The following UBE2E2 variants were observed in gnomAD, a reference collection of about 807,000 sequenced individuals.
UBE2E2 encodes ubiquitin-conjugating enzyme E2 E2.
A neutral mutation model predicts 24.7 loss-of-function variants in UBE2E2; 6 were observed. The observed-to-expected ratio is 0.24, with a 90% confidence interval of 0.13 to 0.48. The LOEUF (loss-of-function observed/expected upper bound fraction) is 0.48, where lower values mean the gene tolerates loss of function less well. UBE2E2 is among the 20% of genes least tolerant of loss of function. The probability of loss-of-function intolerance (pLI) is 0.99; values close to 1 mark genes in which losing one functional copy is unlikely to be tolerated. For missense variants in UBE2E2, 169 were observed against 245.0 expected (o/e 0.69, Z 2.07); for synonymous variants, 104 against 83.6 (o/e 1.24, Z -1.33).
At chr3:23,284,851 T>C (rs1698574277) in intron 3 of UBE2E2, among the ~76,000 whole-genome samples, 1 of 151,680 alleles carries the variant, frequency 6.6e-6, no homozygotes, top group South Asian at 2.1e-4. Context: ...CTCCCTGAGG[T>C]CTGTTCTAAA....
intron 3 of UBE2E2, among the ~76,000 whole-genome samples, chr3:23,487,035 GAGGGGTGCCTGC>G (rs1415297972): frequency 1.3e-5 from 2 of 152,168 alleles, no homozygotes; most frequent in East Asian, 3.9e-4. Context: ...TGTCTATGCT[GAGGGGTGCCTGC>G]AGGCCCATGC....
At chr3:23,346,947 C>A (rs1243123338) in intron 3 of UBE2E2, among the ~76,000 whole-genome samples, 1 of 152,118 alleles carries the variant, frequency 6.6e-6, no homozygotes, top group South Asian at 2.1e-4. Flanking sequence ...AATCAGAAGC[C>A]CCTTTCCCTT....
chr3:23,450,009 G>A (rs1245123269), intron 3 of UBE2E2: 8 of 810,014 alleles, frequency 9.9e-6, no homozygotes, highest in Non-Finnish European at 1.2e-5. Flanking sequence ...CAATGGCTTT[G>A]AGGACCTCAG....
intron 3 of UBE2E2, among the ~76,000 whole-genome samples, chr3:23,489,269 A>G (rs1190906767): frequency 2.6e-5 from 4 of 152,158 alleles, no homozygotes; most frequent in African/African-American, 9.7e-5. Context: ...ATAATTATAT[A>G]ACTCACCATC....
chr3:23,410,300 C>T (rs1697466602), intron 3 of UBE2E2, among the ~76,000 whole-genome samples: 1 of 152,176 alleles, frequency 6.6e-6, no homozygotes, highest in Admixed American at 6.5e-5. Flanking sequence ...TCTTCCTCTG[C>T]AGCATTTAAA....
At chr3:23,567,975 C>G (rs1457738366) in intron 5 of UBE2E2, among the ~76,000 whole-genome samples, 2 of 152,178 alleles carry the variant, frequency 1.3e-5, no homozygotes, top group Non-Finnish European at 2.9e-5. Flanking sequence ...ATATAACACC[C>G]TCTCACAGGA....
At chr3:23,392,226 T>C (rs1696955323) in intron 3 of UBE2E2, among the ~76,000 whole-genome samples, 1 of 152,180 alleles carries the variant, frequency 6.6e-6, no homozygotes, top group African/African-American at 2.4e-5. Context: ...TAGCGAATAA[T>C]ATATAACATT....
chr3:23,220,911 G>A (rs1031332230), intron 3 of UBE2E2, among the ~76,000 whole-genome samples: 4 of 152,126 alleles, frequency 2.6e-5, no homozygotes, highest in African/African-American at 9.7e-5. Flanking sequence ...CGGTGCTAGT[G>A]GAGAACTGGC....
intron 4 of UBE2E2, among the ~76,000 whole-genome samples, chr3:23,502,850 C>G (rs1699753572): frequency 6.6e-6 from 1 of 152,140 alleles, no homozygotes; most frequent in South Asian, 2.1e-4. Context: ...CACAATTTTA[C>G]TATTTCAAAG....
intron 5 of UBE2E2, among the ~76,000 whole-genome samples, chr3:23,550,631 T>G (rs1695620772): frequency 6.6e-6 from 1 of 152,140 alleles, no homozygotes; most frequent in Non-Finnish European, 1.5e-5. Flanking sequence ...AGGAGCCAGA[T>G]TTACACTCCT....
intron 4 of UBE2E2, among the ~76,000 whole-genome samples, chr3:23,505,598 GTGTC>G (rs1345663717): frequency 1.3e-5 from 2 of 152,148 alleles, no homozygotes; most frequent in South Asian, 2.1e-4. Context: ...CATCAGTAAA[GTGTC>G]TGTAAGTGAA....
intron 3 of UBE2E2, among the ~76,000 whole-genome samples, chr3:23,383,289 A>T (rs1349291037): frequency 6.6e-6 from 1 of 152,138 alleles, no homozygotes; most frequent in Admixed American, 6.6e-5. Context: ...TCTAAGACTG[A>T]TGTAGAAATG....
chr3:23,301,107 G>C lies in UBE2E2; in HGVS notation c.227+83795G>C, dbSNP rs139139949. ...CTGAGTCTTCTGCATTTGTCACGTAGCTCTCATGCCTTGGTTTTCAGCTCC... is the reference window on the plus strand; with the variant it reads ...CTGAGTCTTCTGCATTTGTCACGTACCTCTCATGCCTTGGTTTTCAGCTCC... On this transcript the variant is annotated intron_variant, in intron 3 of 5. Coordinates refer to ENST00000396703, the MANE Select transcript of UBE2E2 (RefSeq NM_152653.4). Among the ~76,000 whole-genome samples, 1,074 of 152,216 alleles carry C rather than the reference G, an allele frequency of 7.1e-3. 5 individuals carry two copies. The highest frequency in any genetic ancestry group is 0.024 in the Middle Eastern group (7 of 294).
intron 3 of UBE2E2, among the ~76,000 whole-genome samples, chr3:23,415,600 C>T (rs894645946): frequency 1.3e-5 from 2 of 152,012 alleles, no homozygotes; most frequent in African/African-American, 4.8e-5. Context: ...TTGAAATCAG[C>T]AGTTAGTTTT....
chr3:23,552,154 G>C (rs908649334), intron 5 of UBE2E2, among the ~76,000 whole-genome samples: 4 of 152,156 alleles, frequency 2.6e-5, no homozygotes, highest in African/African-American at 9.7e-5. Context: ...TCTATGGTTT[G>C]TTGTATGGCC....
intron 4 of UBE2E2, among the ~76,000 whole-genome samples, chr3:23,515,593 C>T (rs1694716268): frequency 6.6e-6 from 1 of 152,120 alleles, no homozygotes; most frequent in African/African-American, 2.4e-5. Flanking sequence ...CATATACTCC[C>T]TGTAAAAATT....
intron 3 of UBE2E2, among the ~76,000 whole-genome samples, chr3:23,273,275 C>T (rs921216925): frequency 5.3e-5 from 8 of 152,282 alleles, no homozygotes; most frequent in South Asian, 2.1e-4. Context: ...CGCAGTGGCT[C>T]ACGCCTGTAA....
intron 3 of UBE2E2, among the ~76,000 whole-genome samples, chr3:23,225,566 T>C (rs1241730794): frequency 6.6e-6 from 1 of 152,220 alleles, no homozygotes; most frequent in Admixed American, 6.5e-5. Context: ...TTTTTTACAC[T>C]GAATTGTCTT....
At chr3:23,408,834 T>C (rs1697431196) in intron 3 of UBE2E2, among the ~76,000 whole-genome samples, 1 of 152,186 alleles carries the variant, frequency 6.6e-6, no homozygotes, top group Non-Finnish European at 1.5e-5. Context: ...TTGTCAGTTT[T>C]TGTTCTTTTG....
Sources: allele counts gnomAD v4.1 joint callset (sites outside exome capture counted in the v4.1 genomes callset), GRCh38; gene constraint gnomAD v4.1.1; transcripts MANE v1.5; gene names NCBI Gene and HGNC (gene_info 2026-07-23, HGNC 2026-07-21).